LLGL2: variants seen among roughly 807,000 people sequenced by gnomAD.
The protein encoded by LLGL2 is LLGL scribble cell polarity complex component 2, also known as LLGL2, scribble cell polarity complex component.
Under a neutral mutation model 123.2 loss-of-function variants are expected in LLGL2, and 81 were observed. The observed-to-expected ratio is 0.66, with a 90% CI of 0.55 to 0.79. The LOEUF is 0.79. LLGL2 is among the 30% of genes least tolerant of loss of function. The pLI, the probability that LLGL2 is intolerant of heterozygous loss-of-function variation, is 0.00. For missense variants in LLGL2, 1,273 were observed against 1,414.6 expected, an observed-to-expected ratio of 0.90 and a Z score of 1.61; for synonymous variants, 577 against 594.1, an observed-to-expected ratio of 0.97 and a Z score of 0.42.
At chr17:75,551,086 C>T (rs2054651635) in intron 2 of LLGL2, among the ~76,000 whole-genome samples, 1 of 152,176 alleles carries the variant, frequency 6.6e-6, no homozygotes, top group African/African-American at 2.4e-5. Flanking sequence ...CCCTGGGAGA[C>T]AGGTCATTTA....
At chr17:75,574,092 G>C in intron 22 of LLGL2, 112 bp downstream of exon 22, 1 of 1,547,612 alleles carries the variant, frequency 6.5e-7, no homozygotes, top group South Asian at 1.2e-5. Flanking sequence ...GCTGGGAATA[G>C]AGACGGCATT....
At chr17:75,541,715 C>CTTTTTTTTTTTTTTTTTTTTTTT (rs56656168) in intron 1 of LLGL2, among the ~76,000 whole-genome samples, 1 of 31,510 alleles carries the variant, frequency 3.2e-5, no homozygotes. Flanking sequence ...TGTGGCTCTG[C>CTTTTTTTTTTTTTTTTTTTTTTT]TTTTTTTTTT....
chr17:75,559,069 C>T lies in LLGL2; in HGVS notation c.372-183C>T, dbSNP rs1308710459. On this transcript the variant is annotated intron_variant, in intron 5 of 25. Coordinates refer to ENST00000392550, the MANE Select transcript of LLGL2 (RefSeq NM_001031803.2). This position sits in a 1 kb window ranked among gnomAD's most constrained non-coding sequence, Gnocchi z 4.6. ...CCTGGCGTCTTTCCTGCCTCCTAGC[C>T]CAGGCTCTCTGCCATCTGTCTCCTG... 1.5e-6 allele frequency: 1 copy of T among 682,722 alleles called. No individual in the cohort carries two copies. The highest frequency in any genetic ancestry group is 1.8e-5 in the African/African-American group (1 of 55,210). The allele number at this position is 682,722 out of a possible 1,614,324, so 42.3% of individuals were successfully genotyped here. A position where few individuals can be genotyped will look rare whatever the true frequency, so the allele number is the denominator to read the frequency against.
intron 1 of LLGL2, among the ~76,000 whole-genome samples, chr17:75,528,279 C>G (rs1327608836): frequency 6.6e-6 from 1 of 151,968 alleles, no homozygotes; most frequent in Non-Finnish European, 1.5e-5. Flanking sequence ...TCACGCCCGG[C>G]TAATTTTTTG....
At chr17:75,530,133 C>T (rs1243301278) in intron 1 of LLGL2, among the ~76,000 whole-genome samples, 1 of 152,164 alleles carries the variant, frequency 6.6e-6, no homozygotes, top group African/African-American at 2.4e-5. Context: ...GCACTTGGGC[C>T]TTTTGGAAGT....
At chr17:75,567,919 C>A in intron 10 of LLGL2, 1 of 365,588 alleles carries the variant, frequency 2.7e-6, no homozygotes, top group Non-Finnish European at 3.8e-6. Context: ...CCAGCCTGGG[C>A]GACAGAGTGT....
chr17:75,557,746 T>C, intron 3 of LLGL2: 1 of 335,042 alleles, frequency 3.0e-6, no homozygotes. Flanking sequence ...TAGTTACCAA[T>C]CCCTGGTGCC....
chr17:75,545,491 G>C (rs557273539), intron 2 of LLGL2, among the ~76,000 whole-genome samples: 3 of 152,072 alleles, frequency 2.0e-5, no homozygotes, highest in Non-Finnish European at 4.4e-5. Context: ...ATTCAGGAGC[G>C]GGGTAGACTC....
intron 16 of LLGL2, 68 bp downstream of exon 16, chr17:75,570,566 G>A (rs2055657596): frequency 1.3e-6 from 2 of 1,508,970 alleles, no homozygotes; most frequent in Non-Finnish European, 1.8e-6. Context: ...CAGCAGGGGG[G>A]CCACACGGCC....
At chr17:75,540,134 G>C (rs889901903) in intron 1 of LLGL2, among the ~76,000 whole-genome samples, 1 of 152,044 alleles carries the variant, frequency 6.6e-6, no homozygotes, top group Non-Finnish European at 1.5e-5. Context: ...CTGGCCTGTT[G>C]GCCCCTAGCC....
At chr17:75,546,642 AG>A (rs1469523364) in intron 2 of LLGL2, among the ~76,000 whole-genome samples, 2 of 31,276 alleles carry the variant, frequency 6.4e-5, no homozygotes, top group Non-Finnish European at 2.0e-4. Flanking sequence ...AGACAGGCGG[AG>A]GGCAGGTCCA....
rs557880450 is a variant in LLGL2, at chr17:75,573,382, C to T, written c.2726-99C>T. On this transcript the variant is annotated intron_variant, in intron 20 of 25. Coordinates refer to ENST00000392550, the MANE Select transcript of LLGL2 (RefSeq NM_001031803.2). ...ACGGCCAGACTGGATGGGCCTTAAGCGGAGAACTGCGAGGGAGCACTAGCC... is the reference window on the plus strand; with the variant it reads ...ACGGCCAGACTGGATGGGCCTTAAGTGGAGAACTGCGAGGGAGCACTAGCC... 24 of 1,551,918 alleles carry T rather than the reference C, an allele frequency of 1.5e-5. No homozygotes were observed. In the Middle Eastern group the frequency reaches 5.2e-4, roughly 33 times the overall value.
Position 75,568,565 on chromosome 17 carries a change from C to G in LLGL2, c.1126C>G (p.Leu376Val). ...GACAGCAGGCTGGCCACCGGTCCAG[C>G]TGCCCTACCTGGCTTCTCTGCACTG... ...LQTAGWPPVQLPYLASLHCSA... is the reference protein window; with the variant it reads ...LQTAGWPPVQVPYLASLHCSA... Residue 376 changes from leucine to valine, a missense_variant, in exon 11 of 26, where the codon CTG (leucine) becomes GTG (valine). By Grantham distance (32) the Leu-to-Val change is conservative. Transcript: ENST00000392550. The G allele has an allele frequency of 6.2e-7, 1 of 1,613,874 alleles. No individual in the cohort carries two copies. Among genetic ancestry groups the G allele is most frequent in the Admixed American group, 1.7e-5 (1 of 60,032 alleles).
At chr17:75,535,370 C>T (rs1568019813) in intron 1 of LLGL2, among the ~76,000 whole-genome samples, 1 of 152,256 alleles carries the variant, frequency 6.6e-6, no homozygotes, top group Admixed American at 6.5e-5. Context: ...GCCCTGAGAG[C>T]AGGCAGCTGG....
At chr17:75,555,605 G>A (rs1466711404) in intron 2 of LLGL2, among the ~76,000 whole-genome samples, 1 of 152,078 alleles carries the variant, frequency 6.6e-6, no homozygotes, top group Non-Finnish European at 1.5e-5. Context: ...CGGTACTCTA[G>A]GCCCCTGGGT....
chr17:75,558,455 T>C lies in LLGL2; in HGVS notation c.256-57T>C, dbSNP rs1428319579. On this transcript the variant is annotated intron_variant, in intron 4 of 25. Coordinates refer to ENST00000392550, the MANE Select transcript of LLGL2 (RefSeq NM_001031803.2). This position sits in a 1 kb window ranked among gnomAD's most constrained non-coding sequence, Gnocchi z 4.0. ...CAACTGGGGCTGCGTGGCCCCAGTG[T>C]GTAAAGGCCTTGCCTGGGTAGCAAG... is the stretch of plus-strand genomic sequence containing the variant. 4.2e-6 allele frequency: 6 copies of C among 1,439,926 alleles called. No homozygotes were observed. Among genetic ancestry groups the C allele is most frequent in the Non-Finnish European group, 5.7e-6 (6 of 1,050,182 alleles). The allele number at this position is 1,439,926 out of a possible 1,614,324, so 89.2% of individuals were successfully genotyped here.
At chr17:75,563,288 G>A (rs777230922) in intron 7 of LLGL2, 43 bp from the exon 8 acceptor site, 14 of 1,604,754 alleles carry the variant, frequency 8.7e-6, no homozygotes, top group Admixed American at 5.0e-5. Context: ...ACGCCGCCTC[G>A]GTCCAGCGTG....
intron 19 of LLGL2, 134 bp downstream of exon 19, chr17:75,572,198 A>T (rs1284438959): frequency 5.6e-6 from 5 of 889,284 alleles, no homozygotes; most frequent in Non-Finnish European, 8.6e-6. Context: ...AAGTACAGGA[A>T]ATAAGTGAGG....
At position 75,563,130 on chromosome 17, in the gene LLGL2, C is replaced by T; in HGVS notation, c.645C>T (p.Ile215=). The T allele has an allele frequency of 6.2e-7, 1 of 1,613,194 alleles. No homozygotes were observed. The highest frequency in any genetic ancestry group is 8.5e-7 in the Non-Finnish European group (1 of 1,180,024). ...GCTACAGCCGAGGCCTCGTTGTCAT[C>T]TGGGACCTACAGGGCAGCCGCGTGC... ...LIGYSRGLVV[I]WDLQGSRVLY... Residue 215 remains isoleucine, a synonymous_variant, in exon 7 of 26, where the codon ATC becomes ATT. Coordinates refer to ENST00000392550, the MANE Select transcript of LLGL2 (RefSeq NM_001031803.2).
Sources: allele counts gnomAD v4.1 joint callset (sites outside exome capture counted in the v4.1 genomes callset), GRCh38; gene constraint gnomAD v4.1.1; non-coding constraint Gnocchi (gnomAD v3.1); transcripts MANE v1.5; gene names NCBI Gene and HGNC (gene_info 2026-07-23, HGNC 2026-07-21).